ANKRD26: variants seen among roughly 807,000 people sequenced by gnomAD.
ANKRD26 encodes the protein ankyrin repeat domain 26.
Under a neutral mutation model 208.7 loss-of-function variants are expected in ANKRD26, and 141 were observed. The observed-to-expected ratio is 0.68, with a 90% CI of 0.59 to 0.78. The LOEUF is 0.78. ANKRD26 is among the 30% of genes least tolerant of loss of function. ANKRD26 has a pLI of 0.00. For synonymous variants in ANKRD26, 636 were observed against 660.4 expected (o/e 0.96, Z 0.57); for missense variants, 1,889 against 1,938.7 (o/e 0.97, Z 0.48).
chr10:27,068,980 T>C (rs1006031303), intron 9 of ANKRD26, among the ~76,000 whole-genome samples: 1 of 151,818 alleles, frequency 6.6e-6, no homozygotes, highest in Non-Finnish European at 1.5e-5. Flanking sequence ...CGGATCATGA[T>C]GTCAGGAGTT....
intron 14 of ANKRD26, 36 bp downstream of exon 14, chr10:27,060,476 C>T (rs745505925): frequency 6.4e-7 from 1 of 1,558,432 alleles, no homozygotes; most frequent in Non-Finnish European, 8.8e-7. Flanking sequence ...ACAATATGCA[C>T]TTAATAATTC....
In ANKRD26 at chr10:27,043,572, GAAAT is replaced by G; in HGVS notation, c.2020-9_2020-6del. On this transcript the variant is annotated splice_region_variant and splice_polypyrimidine_tract_variant and intron_variant, in intron 19 of 33. Coordinates refer to ENST00000376087, the MANE Select transcript of ANKRD26 (RefSeq NM_014915.3). ...AGACTGTATTTGGTTTTTGACCTAT[GAAAT>G]AAATAACACTGTTTCAAAATGTCCC... 6.2e-7 allele frequency: 1 copy of G among 1,611,362 alleles called. No individual in the cohort carries two copies. The highest frequency in any genetic ancestry group is 1.3e-5 in the African/African-American group (1 of 74,956).
At chr10:27,049,346 C>T (rs1393630074) in intron 16 of ANKRD26, among the ~76,000 whole-genome samples, 1 of 152,170 alleles carries the variant, frequency 6.6e-6, no homozygotes, top group Non-Finnish European at 1.5e-5. Flanking sequence ...GACAAAGACA[C>T]AAGATGCATC....
Position 27,066,471 on chromosome 10 carries a change from C to T in ANKRD26, c.1269+16G>A, listed in dbSNP as rs758455321. 18 of 1,558,068 alleles carry T rather than the reference C, an allele frequency of 1.2e-5. No individual in the cohort carries two copies. In the South Asian group the frequency reaches 2.0e-4, roughly 17 times the overall value. ...TGCTTATATTTTAAAATAATAGTAA[C>T]AACCATAGAAAGTACCTCAGAATCC... On this transcript the variant is annotated intron_variant, in intron 11 of 33. Coordinates refer to ENST00000376087, the MANE Select transcript of ANKRD26 (RefSeq NM_014915.3).
intron 33 of ANKRD26, 22 bp downstream of exon 33, chr10:27,006,894 AT>A: frequency 6.4e-7 from 1 of 1,569,286 alleles, no homozygotes; most frequent in Non-Finnish European, 8.8e-7. Context: ...TCTAAATTTA[AT>A]TCATGAAGTT....
chr10:26,985,784 G>A (rs992234925), intron 3 of ANKRD26, among the ~76,000 whole-genome samples: 1 of 152,190 alleles, frequency 6.6e-6, no homozygotes, highest in Non-Finnish European at 1.5e-5. Flanking sequence ...AACACCAAGT[G>A]CAGAGCAGCT....
chr10:27,097,752 C>T (rs1158481319), intron 1 of ANKRD26, among the ~76,000 whole-genome samples: 1 of 152,144 alleles, frequency 6.6e-6, no homozygotes, highest in African/African-American at 2.4e-5. Context: ...CAGGTGCACG[C>T]TATTCTACTG....
chr10:26,960,559 A>C, the ANKRD26 span, among the ~76,000 whole-genome samples: 1 of 152,224 alleles, frequency 6.6e-6, no homozygotes, highest in East Asian at 1.9e-4. Flanking sequence ...TGGCTCACTA[A>C]ATCCTGACAT....
At chr10:26,981,572 T>C (rs546638075) in intron 4 of ANKRD26, among the ~76,000 whole-genome samples, 42 of 152,354 alleles carry the variant, frequency 2.8e-4, no homozygotes, top group African/African-American at 9.6e-4. Context: ...CCCACCAGCC[T>C]GACTTCTTAT....
At chr10:27,031,503 G>C (rs1233139271) in intron 25 of ANKRD26, among the ~76,000 whole-genome samples, 1 of 152,192 alleles carries the variant, frequency 6.6e-6, no homozygotes, top group Non-Finnish European at 1.5e-5. Flanking sequence ...GAGACAAAAA[G>C]TAGATGGTGG....
At chr10:27,058,220 CCATA>C (rs2054909556) in intron 15 of ANKRD26, among the ~76,000 whole-genome samples, 1 of 152,124 alleles carries the variant, frequency 6.6e-6, no homozygotes, top group Non-Finnish European at 1.5e-5. Flanking sequence ...CATCTACAAA[CCATA>C]CATATGGTTT....
At chr10:26,948,671 T>C in the ANKRD26 span, among the ~76,000 whole-genome samples, 1 of 152,230 alleles carries the variant, frequency 6.6e-6, no homozygotes, top group African/African-American at 2.4e-5. Context: ...ACATGAGTTA[T>C]TCTCAATGGT....
intron 4 of ANKRD26, among the ~76,000 whole-genome samples, chr10:26,998,031 G>A (rs1564340784): frequency 6.6e-6 from 1 of 152,164 alleles, no homozygotes; most frequent in Admixed American, 6.5e-5. Flanking sequence ...TGCTTTAACT[G>A]TAGATGTATA....
intron 6 of ANKRD26, among the ~76,000 whole-genome samples, chr10:27,082,018 G>A (rs1348057524): frequency 7.0e-6 from 1 of 143,022 alleles, no homozygotes; most frequent in African/African-American, 2.6e-5. Flanking sequence ...TTACAGTTGT[G>A]AGCCACCACG....
chr10:26,992,167 G>C (rs2052498201), intron 5 of ANKRD26, among the ~76,000 whole-genome samples: 1 of 152,110 alleles, frequency 6.6e-6, no homozygotes, highest in Admixed American at 6.6e-5. Flanking sequence ...GGAAGCAAAT[G>C]GGAGGCAGGA....
intron 9 of ANKRD26, among the ~76,000 whole-genome samples, chr10:27,075,700 G>A (rs1199831826): frequency 6.6e-6 from 1 of 152,150 alleles, no homozygotes; most frequent in African/African-American, 2.4e-5. Flanking sequence ...CATCAAGGTA[G>A]AAAGCCAACA....
chr10:27,050,591 T>G (rs2054620480), intron 16 of ANKRD26, among the ~76,000 whole-genome samples: 1 of 152,194 alleles, frequency 6.6e-6, no homozygotes, highest in South Asian at 2.1e-4. Flanking sequence ...AAAAGATCCC[T>G]TTGGCTGGGA....
At chr10:27,084,403 T>A (rs1305217960) in intron 5 of ANKRD26, among the ~76,000 whole-genome samples, 2 of 152,140 alleles carry the variant, frequency 1.3e-5, no homozygotes, top group African/African-American at 4.8e-5. Context: ...ATGAAAACTT[T>A]GAAGACCAAA....
At chr10:27,030,375 A>G (rs35995872) in intron 25 of ANKRD26, 152,287 of 984,238 alleles carry the variant, frequency 0.15, 13,515 homozygotes, top group East Asian at 0.56. Flanking sequence ...CTCCTGGAAT[A>G]AGTAATACAT....
Sources: allele counts gnomAD v4.1 joint callset (sites outside exome capture counted in the v4.1 genomes callset), GRCh38; gene constraint gnomAD v4.1.1; transcripts MANE v1.5; gene names NCBI Gene and HGNC (gene_info 2026-07-23, HGNC 2026-07-21).